The following TBL1XR1 variants were observed in gnomAD, a reference collection of about 807,000 sequenced individuals.
The protein encoded by TBL1XR1 is F-box-like/WD repeat-containing protein TBL1XR1.
TBL1XR1 carries 5 observed loss-of-function variants against 66.9 expected under a neutral mutation model. That is an observed-to-expected ratio of 0.07 (90% confidence interval 0.04 to 0.16). The LOEUF (loss-of-function observed/expected upper bound fraction) is 0.16, where lower values mean the gene tolerates loss of function less well. Among genes scored for constraint, TBL1XR1 ranks in the 10% least tolerant of loss-of-function variants. The pLI, the probability that TBL1XR1 is intolerant of heterozygous loss-of-function variation, is 1.00. For missense variants in TBL1XR1, 238 were observed against 623.2 expected (o/e 0.38, Z 6.58); for synonymous variants, 210 against 206.0 (o/e 1.02, Z -0.17).
chr3:177,140,982 G>T (rs1316286), intron 1 of TBL1XR1, among the ~76,000 whole-genome samples: 8,728 of 152,062 alleles, frequency 0.057, 577 homozygotes, highest in African/African-American at 0.15. Context: ...TGTGGCCCAG[G>T]GAAGCCAAAT....
intron 5 of TBL1XR1, 130 bp from the exon 6 acceptor site, chr3:177,050,740 A>G: frequency 1.1e-6 from 1 of 951,064 alleles, no homozygotes. Flanking sequence ...ATATCCAGTT[A>G]AGCTGAACAT....
intron 1 of TBL1XR1, among the ~76,000 whole-genome samples, chr3:177,144,621 G>A (rs115027586): frequency 3.3e-5 from 5 of 151,986 alleles, no homozygotes; most frequent in African/African-American, 1.2e-4. Context: ...GGGTGTGGTA[G>A]CGGGTGCCTG....
intron 1 of TBL1XR1, among the ~76,000 whole-genome samples, chr3:177,134,595 C>T (rs976465006): frequency 9.2e-5 from 14 of 152,142 alleles, no homozygotes; most frequent in African/African-American, 2.9e-4. Flanking sequence ...AAGATAATTC[C>T]GGTCTTTCCC....
intron 2 of TBL1XR1, among the ~76,000 whole-genome samples, 156 bp downstream of exon 2, chr3:177,098,310 A>T (rs568996437): frequency 6.6e-6 from 1 of 152,136 alleles, no homozygotes; most frequent in Non-Finnish European, 1.5e-5. Context: ...TTTAAACTAC[A>T]TATATTTAAA....
At chr3:177,166,260 A>T (rs1732809885) in intron 1 of TBL1XR1, among the ~76,000 whole-genome samples, 1 of 152,148 alleles carries the variant, frequency 6.6e-6, no homozygotes, top group Admixed American at 6.5e-5. Flanking sequence ...GAGATAAATA[A>T]AATACAATAA....
intron 1 of TBL1XR1, among the ~76,000 whole-genome samples, chr3:177,115,279 T>A (rs1227036092): frequency 3.3e-5 from 5 of 152,198 alleles, no homozygotes; most frequent in Non-Finnish European, 5.9e-5. Context: ...AAACTGATGA[T>A]ACTTTTAAAA....
intron 1 of TBL1XR1, among the ~76,000 whole-genome samples, chr3:177,194,971 A>C (rs1736644905): frequency 6.6e-6 from 1 of 152,188 alleles, no homozygotes. Context: ...AATGTCATAA[A>C]CTGACGGTGA....
At position 177,189,225 on chromosome 3, in the gene TBL1XR1, T is replaced by A. The variant is rs529641965; in HGVS notation, c.-122+7896A>T. Among the ~76,000 whole-genome samples, 5 of 150,856 alleles carry A rather than the reference T, an allele frequency of 3.3e-5. No individual in the cohort carries two copies. The South Asian group carries it at 1.0e-3, about 31-fold the overall frequency. On this transcript the variant is annotated intron_variant, in intron 1 of 15. Coordinates refer to ENST00000457928, the MANE Select transcript of TBL1XR1 (RefSeq NM_024665.7). ...TTTGTCTCAAAATAAAAATAAGAAA[T>A]AACAATTTCAGGCCAGGTGTGGTGG...
At chr3:177,134,409 C>T (rs1419112025) in intron 1 of TBL1XR1, among the ~76,000 whole-genome samples, 1 of 152,138 alleles carries the variant, frequency 6.6e-6, no homozygotes, top group Non-Finnish European at 1.5e-5. Context: ...TGGCAGAACA[C>T]TAGACTTGGA....
At chr3:177,063,831 C>A (rs1718812625) in intron 3 of TBL1XR1, among the ~76,000 whole-genome samples, 1 of 152,164 alleles carries the variant, frequency 6.6e-6, no homozygotes. Context: ...ACTTTCACAG[C>A]TGTTACACCT....
At position 177,096,141 on chromosome 3, in the gene TBL1XR1, C is replaced by T. The variant is rs555880197; in HGVS notation, c.-46+2325G>A. On this transcript the variant is annotated intron_variant, in intron 2 of 15. Coordinates refer to ENST00000457928, the MANE Select transcript of TBL1XR1 (RefSeq NM_024665.7). ...AATAAATATGACATACTACACAGCACAGGTTCAACCCAGATTATTATTGCA... is the reference window on the plus strand; with the variant it reads ...AATAAATATGACATACTACACAGCATAGGTTCAACCCAGATTATTATTGCA... 5.3e-5 allele frequency among the ~76,000 whole-genome samples: 8 copies of T among 152,276 alleles called. No homozygotes were observed. The East Asian group carries it at 1.5e-3, about 29-fold the overall frequency.
chr3:177,168,282 CCTTT>C (rs898067396), intron 1 of TBL1XR1, among the ~76,000 whole-genome samples: 6 of 115,152 alleles, frequency 5.2e-5, no homozygotes, highest in African/African-American at 1.8e-4. Context: ...CGGAAATAAA[CCTTT>C]TTTTTTTTTT....
intron 2 of TBL1XR1, among the ~76,000 whole-genome samples, chr3:177,066,361 T>C (rs1719166193): frequency 6.6e-6 from 1 of 151,896 alleles, no homozygotes; most frequent in Non-Finnish European, 1.5e-5. Flanking sequence ...TAGGAACACA[T>C]TTAGAAGGAG....
In TBL1XR1 at chr3:177,022,878, G is replaced by A. The variant is rs1402830923; in HGVS notation, c.*2620C>T. The stretch of plus-strand genomic sequence containing the variant: ...AAATAAACAATCGTATGCTCATGAA[G>A]AACCCAAGCCTACAAAATGGATACC... On this transcript the variant is annotated 3_prime_UTR_variant, in exon 16 of 16. Coordinates refer to ENST00000457928, the MANE Select transcript of TBL1XR1 (RefSeq NM_024665.7). 6.6e-6 allele frequency: 1 copy of A among 152,310 alleles called. No individual in the cohort carries two copies. Among genetic ancestry groups the A allele is most frequent in the Non-Finnish European group, 1.5e-5 (1 of 67,908 alleles). 9.4% of individuals were successfully genotyped at this position (152,310 alleles called of 1,614,324 possible).
upstream of TBL1XR1, among the ~76,000 whole-genome samples, chr3:177,198,511 G>A (rs1031956550): frequency 3.9e-4 from 60 of 152,346 alleles, no homozygotes; most frequent in African/African-American, 1.3e-3. Context: ...GAGTGATAAT[G>A]TGGCAGTATG....
chr3:177,188,711 C>CTG (rs1735748064), intron 1 of TBL1XR1, among the ~76,000 whole-genome samples: 1 of 152,160 alleles, frequency 6.6e-6, no homozygotes. Context: ...CCTCCCTCAT[C>CTG]CCTCAAACCT....
upstream of TBL1XR1, among the ~76,000 whole-genome samples, chr3:177,200,880 G>T (rs1012026916): frequency 6.6e-6 from 1 of 151,894 alleles, no homozygotes; most frequent in Non-Finnish European, 1.5e-5. Flanking sequence ...GGTGGCGGGT[G>T]CCTGTAATCG....
intron 1 of TBL1XR1, among the ~76,000 whole-genome samples, chr3:177,160,018 T>C (rs1731986084): frequency 6.6e-6 from 1 of 152,182 alleles, no homozygotes; most frequent in Admixed American, 6.6e-5. Context: ...GCTAGACAGC[T>C]AGATTTGCAT....
chr3:177,025,837 G>T, intron 15 of TBL1XR1: 1 of 356,564 alleles, frequency 2.8e-6, no homozygotes, highest in Non-Finnish European at 5.1e-6. Context: ...CCTAATGAAA[G>T]ATATCACAGA....
Sources: gnomAD v4.1 joint callset for allele counts (sites outside exome capture counted in the v4.1 genomes callset) on GRCh38, gnomAD v4.1.1 for gene constraint, MANE v1.5 for transcripts, NCBI Gene and HGNC (gene_info 2026-07-23, HGNC 2026-07-21) for gene names.